Variants in SMYD3 observed in about 807,000 individuals in gnomAD.
SMYD3 encodes the protein histone-lysine N-methyltransferase SMYD3.
A neutral mutation model predicts 57.7 loss-of-function variants in SMYD3; 36 were observed. That is an observed-to-expected ratio of 0.62 (90% CI 0.48 to 0.82). The LOEUF (loss-of-function observed/expected upper bound fraction) is 0.82, where lower values mean the gene tolerates loss of function less well. SMYD3 is among the 40% of genes least tolerant of loss of function. SMYD3 has a pLI of 0.00. For missense variants in SMYD3, 515 were observed against 538.8 expected (o/e 0.96, Z 0.44); for synonymous variants, 211 against 195.0 (o/e 1.08, Z -0.68).
At chr1:246,242,385 A>C (rs1172772319) in intron 5 of SMYD3, among the ~76,000 whole-genome samples, 2 of 152,168 alleles carry the variant, frequency 1.3e-5, no homozygotes, top group Non-Finnish European at 2.9e-5. Flanking sequence ...TTCAGTTTCC[A>C]TGTAGTTGAG....
At chr1:246,260,596 C>G (rs1221274238) in intron 5 of SMYD3, among the ~76,000 whole-genome samples, 5 of 151,770 alleles carry the variant, frequency 3.3e-5, no homozygotes, top group Non-Finnish European at 5.9e-5. Flanking sequence ...GCCTACAGAG[C>G]TAATTTTTCT....
intron 5 of SMYD3, among the ~76,000 whole-genome samples, chr1:246,148,698 G>C (rs181209291): frequency 2.8e-4 from 43 of 152,324 alleles, no homozygotes; most frequent in African/African-American, 8.9e-4. Context: ...CAAACACTGT[G>C]CTAGGCAAGG....
intron 2 of SMYD3, among the ~76,000 whole-genome samples, chr1:246,351,156 G>A (rs1401632628): frequency 2.0e-5 from 3 of 152,096 alleles, no homozygotes; most frequent in South Asian, 2.1e-4. Flanking sequence ...CCAAAAATAC[G>A]ATTCACATTT....
chr1:245,938,691 G>A (rs1159983614), intron 5 of SMYD3, among the ~76,000 whole-genome samples: 1 of 152,104 alleles, frequency 6.6e-6, no homozygotes, highest in African/African-American at 2.4e-5. Context: ...TCAGACTGGT[G>A]GGATTTCAAT....
chr1:246,131,528 C>T (rs576024667), intron 5 of SMYD3, among the ~76,000 whole-genome samples: 2 of 152,156 alleles, frequency 1.3e-5, no homozygotes, highest in Non-Finnish European at 2.9e-5. Context: ...TATACATTTC[C>T]GTTACTTCAT....
At chr1:245,822,273 CATT>C (rs1169143129) in intron 10 of SMYD3, among the ~76,000 whole-genome samples, 1 of 151,274 alleles carries the variant, frequency 6.6e-6, no homozygotes, top group African/African-American at 2.4e-5. Context: ...TGGAAATCAT[CATT>C]CTCAGTAAAC....
At chr1:246,060,923 T>G (rs1037366088) in intron 5 of SMYD3, among the ~76,000 whole-genome samples, 3 of 152,188 alleles carry the variant, frequency 2.0e-5, no homozygotes, top group Non-Finnish European at 4.4e-5. Context: ...ACATATTCAT[T>G]CTCATTAGAA....
chr1:246,292,227 T>C (rs2064707650), intron 5 of SMYD3, among the ~76,000 whole-genome samples: 1 of 147,936 alleles, frequency 6.8e-6, no homozygotes, highest in African/African-American at 2.5e-5. Flanking sequence ...CACACCAGCA[T>C]CTTAGACTTA....
intron 1 of SMYD3, among the ~76,000 whole-genome samples, chr1:246,394,434 T>C (rs1196009991): frequency 6.6e-6 from 1 of 152,204 alleles, no homozygotes; most frequent in African/African-American, 2.4e-5. Context: ...CTGAGGGGCG[T>C]ACAATGTAAA....
chr1:246,143,538 T>C (rs1296079083), intron 5 of SMYD3, among the ~76,000 whole-genome samples: 1 of 152,082 alleles, frequency 6.6e-6, no homozygotes, highest in African/African-American at 2.4e-5. Flanking sequence ...TATAGAGGCA[T>C]GTGGCTACGG....
At chr1:246,231,750 T>G (rs548772795) in intron 5 of SMYD3, among the ~76,000 whole-genome samples, 1 of 152,304 alleles carries the variant, frequency 6.6e-6, no homozygotes, top group South Asian at 2.1e-4. Context: ...ATTACTGCTT[T>G]GGGTACAAAT....
At chr1:245,756,542 C>T (rs115156093) in intron 11 of SMYD3, among the ~76,000 whole-genome samples, 3,048 of 152,092 alleles carry the variant, frequency 0.02, 53 homozygotes, top group Non-Finnish European at 0.029. Flanking sequence ...AGTAAGTCTG[C>T]TAGCGATAAG....
chr1:245,814,920 G>C (rs1231843778), intron 10 of SMYD3, among the ~76,000 whole-genome samples: 2 of 151,810 alleles, frequency 1.3e-5, no homozygotes, highest in South Asian at 2.1e-4. Flanking sequence ...TTCACTGAAG[G>C]CTCCCAAGAC....
chr1:246,422,425 T>C (rs1009816423), intron 1 of SMYD3, among the ~76,000 whole-genome samples: 1 of 152,102 alleles, frequency 6.6e-6, no homozygotes, highest in Non-Finnish European at 1.5e-5. Flanking sequence ...TTTGCCTTTT[T>C]TTTTAATTTA....
At position 245,887,771 on chromosome 1, in the gene SMYD3, C is replaced by A. The variant is rs1003517628; in HGVS notation, c.814-23885G>T. Among the ~76,000 whole-genome samples, 5 of 152,116 alleles carry A rather than the reference C, an allele frequency of 3.3e-5. No homozygotes were observed. The South Asian group carries it at 1.0e-3, about 32-fold the overall frequency. On this transcript the variant is annotated intron_variant, in intron 8 of 11. Transcript: ENST00000490107. ...TATCTCCACATTAGAATGGAAGCCA[C>A]CTACAGGAAGGGGACATCTTTCAAT...
At chr1:246,301,572 T>A (rs1175548776) in intron 5 of SMYD3, among the ~76,000 whole-genome samples, 4 of 152,176 alleles carry the variant, frequency 2.6e-5, no homozygotes, top group Non-Finnish European at 5.9e-5. Flanking sequence ...ATGCACACAT[T>A]TTATACTGTC....
At chr1:245,972,583 C>T (rs548732063) in intron 5 of SMYD3, among the ~76,000 whole-genome samples, 4 of 152,356 alleles carry the variant, frequency 2.6e-5, no homozygotes, top group East Asian at 3.9e-4. Flanking sequence ...GCTCCCAGGG[C>T]ACAGGCCTGA....
rs201602185 is a variant in SMYD3 at position 246,071,886 on chromosome 1, G to T, written c.532-141949C>A. On this transcript the variant is annotated intron_variant, in intron 5 of 11. Transcript: ENST00000490107. ...TGTGCTTTCCGCTGTGCTCACTGTC[G>T]CTGCATCGTGTTAGTTCTGGGGAGG... Among the ~76,000 whole-genome samples the T allele has an allele frequency of 2.5e-3, 211 of 84,804 alleles. 4 individuals are homozygous for T. The highest frequency in any genetic ancestry group is 9.6e-3 in the East Asian group (33 of 3,446). The allele number at this position is 84,804 out of a possible 152,430, so 55.6% of individuals were successfully genotyped here. A position where few individuals can be genotyped will look rare whatever the true frequency, so the allele number is the denominator to read the frequency against.
chr1:245,826,167 C>A (rs1210678095), intron 10 of SMYD3, among the ~76,000 whole-genome samples: 1 of 151,598 alleles, frequency 6.6e-6, no homozygotes, highest in African/African-American at 2.4e-5. Flanking sequence ...TTTCATCTTG[C>A]AAAACTGAAA....
Sources: allele counts gnomAD v4.1 joint callset (sites outside exome capture counted in the v4.1 genomes callset), GRCh38; gene constraint gnomAD v4.1.1; transcripts MANE v1.5; gene names NCBI Gene and HGNC (gene_info 2026-07-23, HGNC 2026-07-21).